FSTL4: variants seen among roughly 807,000 people sequenced by gnomAD.
FSTL4 encodes the protein follistatin like 4, also known as follistatin-related protein 4.
A neutral mutation model predicts 78.2 loss-of-function variants in FSTL4; 28 were observed. That is an observed-to-expected ratio of 0.36 (90% confidence interval 0.27 to 0.49). The LOEUF (loss-of-function observed/expected upper bound fraction) is 0.49, where lower values mean the gene tolerates loss of function less well. Ranked by LOEUF, FSTL4 falls within the 20% of genes least tolerant of loss-of-function variation. The pLI, the probability that FSTL4 is intolerant of heterozygous loss-of-function variation, is 0.98. For synonymous variants in FSTL4, 422 were observed against 440.5 expected (o/e 0.96, Z 0.53); for missense variants, 922 against 1,084.9 (o/e 0.85, Z 2.11).
intron 3 of FSTL4, among the ~76,000 whole-genome samples, chr5:133,517,028 G>A (rs930220713): frequency 6.6e-6 from 1 of 151,508 alleles, no homozygotes; most frequent in African/African-American, 2.4e-5. Context: ...AGTAAGCCAT[G>A]ATTGCACCAC....
chr5:133,774,292 T>C, the FSTL4 span, among the ~76,000 whole-genome samples: 3 of 152,150 alleles, frequency 2.0e-5, no homozygotes, highest in Non-Finnish European at 1.5e-5. Flanking sequence ...CCAGGGCTCT[T>C]AGGCTAAGGT....
At chr5:133,424,954 C>G (rs773137866) in intron 3 of FSTL4, among the ~76,000 whole-genome samples, 5 of 152,162 alleles carry the variant, frequency 3.3e-5, no homozygotes, top group Non-Finnish European at 7.3e-5. Context: ...AAATAGATAA[C>G]CTAATCAAAA....
At chr5:133,590,905 G>A (rs1466027635) in intron 2 of FSTL4, among the ~76,000 whole-genome samples, 1 of 152,204 alleles carries the variant, frequency 6.6e-6, no homozygotes, top group East Asian at 1.9e-4. Flanking sequence ...GAGAGCAAGA[G>A]ATCCAATTCC....
In FSTL4 at chr5:133,321,908, G is replaced by A. The variant is rs529648494; in HGVS notation, c.410-5256C>T. Among the ~76,000 whole-genome samples, 7 of 152,366 alleles carry A rather than the reference G, an allele frequency of 4.6e-5. No individual in the cohort carries two copies. The East Asian group carries it at 9.6e-4, about 21-fold the overall frequency. On this transcript the variant is annotated intron_variant, in intron 4 of 15. Transcript: ENST00000265342. ...TGCTTCATGAGTGGGCAGGACCGCC[G>A]TGATTTGGACTGCACAAGTTTCTGC...
chr5:133,242,428 A>G (rs1018380488), intron 7 of FSTL4, among the ~76,000 whole-genome samples: 2 of 139,508 alleles, frequency 1.4e-5, no homozygotes, highest in Non-Finnish European at 3.0e-5. Context: ...GGGTTCTGCA[A>G]TCAGGGTATA....
intron 3 of FSTL4, chr5:133,457,694 AGTC>A (rs1373056899): frequency 6.6e-6 from 1 of 152,232 alleles, no homozygotes; most frequent in Non-Finnish European, 1.5e-5. Flanking sequence ...CCTACAAAGG[AGTC>A]GTCAGCATCT....
At chr5:133,461,059 C>A (rs973784824) in intron 3 of FSTL4, among the ~76,000 whole-genome samples, 1 of 152,202 alleles carries the variant, frequency 6.6e-6, no homozygotes, top group African/African-American at 2.4e-5. Context: ...CAGGAGAATA[C>A]TCCTGTGGAA....
chr5:133,202,127 C>G (rs961125140), intron 14 of FSTL4, 85 bp from the exon 15 acceptor site: 18 of 812,750 alleles, frequency 2.2e-5, no homozygotes, highest in Admixed American at 6.9e-5. Flanking sequence ...GGTGGAGTCA[C>G]CCCGGCAGAG....
intron 14 of FSTL4, among the ~76,000 whole-genome samples, chr5:133,205,032 C>CAGTT (rs1407561843): frequency 2.0e-5 from 3 of 151,984 alleles, no homozygotes; most frequent in African/African-American, 7.3e-5. Context: ...CTAGACTTTC[C>CAGTT]AGTTATGAGA....
At chr5:133,694,280 C>T in the FSTL4 span, among the ~76,000 whole-genome samples, 1 of 152,236 alleles carries the variant, frequency 6.6e-6, no homozygotes, top group East Asian at 1.9e-4. Flanking sequence ...AGAGTGGGCC[C>T]CATCTGTGAG....
At chr5:133,725,514 T>C in the FSTL4 span, among the ~76,000 whole-genome samples, 1 of 152,252 alleles carries the variant, frequency 6.6e-6, no homozygotes, top group South Asian at 2.1e-4. Flanking sequence ...ACATTGTTAA[T>C]GGTAGAGACA....
chr5:133,706,905 G>A, the FSTL4 span, among the ~76,000 whole-genome samples: 26 of 152,274 alleles, frequency 1.7e-4, no homozygotes, highest in South Asian at 1.9e-3. Flanking sequence ...TTCTCTGGCA[G>A]CTCATCATGT....
chr5:133,723,757 G>T, the FSTL4 span, among the ~76,000 whole-genome samples: 3 of 152,158 alleles, frequency 2.0e-5, no homozygotes, highest in African/African-American at 7.2e-5. Flanking sequence ...GATCCCTGGG[G>T]GATAGGTCAT....
chr5:133,443,847 C>T (rs913690794), intron 3 of FSTL4, among the ~76,000 whole-genome samples: 2 of 152,242 alleles, frequency 1.3e-5, no homozygotes, highest in African/African-American at 4.8e-5. Context: ...TCTGTCTGGC[C>T]TGGGCTTTCA....
intron 3 of FSTL4, among the ~76,000 whole-genome samples, chr5:133,456,688 A>AAAAACAAAAC (rs113400855): frequency 2.7e-4 from 41 of 151,964 alleles, no homozygotes; most frequent in East Asian, 1.5e-3. Context: ...TTGTACTTAA[A>AAAAACAAAAC]AAAACAAAAC....
At chr5:133,500,946 G>GGA (rs1758482836) in intron 3 of FSTL4, among the ~76,000 whole-genome samples, 1 of 146,122 alleles carries the variant, frequency 6.8e-6, no homozygotes, top group Non-Finnish European at 1.5e-5. Flanking sequence ...TTTGCTTCAT[G>GGA]AAAAAAAAAA....
At chr5:133,322,161 C>A (rs181996494) in intron 4 of FSTL4, among the ~76,000 whole-genome samples, 2 of 151,804 alleles carry the variant, frequency 1.3e-5, no homozygotes. Flanking sequence ...TGCCCCACCC[C>A]CTTCCTGTCT....
At chr5:133,317,003 G>T (rs1012968380) in intron 4 of FSTL4, among the ~76,000 whole-genome samples, 3 of 152,108 alleles carry the variant, frequency 2.0e-5, no homozygotes, top group Non-Finnish European at 4.4e-5. Context: ...AGAGGCTTTA[G>T]GAAAGCTACC....
the FSTL4 span, among the ~76,000 whole-genome samples, chr5:133,698,409 C>T: frequency 6.6e-6 from 1 of 152,318 alleles, no homozygotes; most frequent in East Asian, 1.9e-4. Flanking sequence ...GACCTGAGTC[C>T]AAATCCCAAC....
Sources: allele counts gnomAD v4.1 joint callset (sites outside exome capture counted in the v4.1 genomes callset), GRCh38; gene constraint gnomAD v4.1.1; transcripts MANE v1.5; gene names NCBI Gene and HGNC (gene_info 2026-07-23, HGNC 2026-07-21).